Variants in SIK3 observed in about 807,000 individuals in gnomAD.
SIK3 encodes serine/threonine-protein kinase SIK3.
In SIK3, 28 loss-of-function variants were observed where a neutral mutation model predicts 144.2. That is an observed-to-expected ratio of 0.19 (90% CI 0.14 to 0.27). The LOEUF (loss-of-function observed/expected upper bound fraction) is 0.27, where lower values mean the gene tolerates loss of function less well. SIK3 is among the 10% of genes least tolerant of loss of function. SIK3 has a pLI of 1.00. For missense variants in SIK3, 1,319 were observed against 1,776.0 expected, an observed-to-expected ratio of 0.74 and a Z score of 4.62; for synonymous variants, 686 against 676.3, an observed-to-expected ratio of 1.01 and a Z score of -0.22.
intron 1 of SIK3, among the ~76,000 whole-genome samples, chr11:117,018,773 T>C (rs1951642701): frequency 6.6e-6 from 1 of 152,008 alleles, no homozygotes; most frequent in South Asian, 2.1e-4. Context: ...AGTACAGTAG[T>C]GCATCTCAAC....
chr11:116,869,025 A>G (rs1427942326), intron 14 of SIK3: 4 of 152,180 alleles, frequency 2.6e-5, no homozygotes, highest in Non-Finnish European at 5.9e-5. Flanking sequence ...GACCTGGAGG[A>G]AGGAAAGTCT....
At chr11:116,943,334 C>T (rs1402164742) in intron 3 of SIK3, among the ~76,000 whole-genome samples, 2 of 152,090 alleles carry the variant, frequency 1.3e-5, no homozygotes, top group Non-Finnish European at 2.9e-5. Context: ...ACAAAGAGGG[C>T]AAAGAAGGGC....
intron 1 of SIK3, among the ~76,000 whole-genome samples, chr11:117,032,619 AGCTCAGCCTCCC>A (rs1189959427): frequency 1.3e-5 from 2 of 151,006 alleles, no homozygotes; most frequent in African/African-American, 2.4e-5. Context: ...CAATCCTCCT[AGCTCAGCCTCCC>A]GAGTAGCTGG....
intron 1 of SIK3, among the ~76,000 whole-genome samples, chr11:117,078,414 C>CTT (rs752116300): frequency 0.046 from 5,987 of 131,416 alleles, 463 homozygotes; most frequent in African/African-American, 0.13. Context: ...TGCATAACAC[C>CTT]TTTTTTTTTT....
intron 18 of SIK3, 77 bp downstream of exon 18, chr11:116,861,764 A>C: frequency 1.1e-6 from 1 of 919,980 alleles, no homozygotes; most frequent in Non-Finnish European, 1.7e-6. Flanking sequence ...AAGTCAGTCC[A>C]TATCTCCCAG....
At chr11:116,925,232 G>C (rs12292371) in intron 4 of SIK3, among the ~76,000 whole-genome samples, 10,982 of 151,662 alleles carry the variant, frequency 0.072, 486 homozygotes, top group Middle Eastern at 0.11. Flanking sequence ...CTGGGCAACA[G>C]AATGAGGCCC....
chr11:117,029,234 G>A (rs923073073), intron 1 of SIK3, among the ~76,000 whole-genome samples: 3 of 152,088 alleles, frequency 2.0e-5, no homozygotes, highest in Non-Finnish European at 4.4e-5. Context: ...GAAGGCAGAT[G>A]CAGGTGGATC....
intron 1 of SIK3, among the ~76,000 whole-genome samples, chr11:117,094,558 T>G (rs1955386347): frequency 6.6e-6 from 1 of 152,074 alleles, no homozygotes; most frequent in Non-Finnish European, 1.5e-5. Context: ...CAGTGAACTC[T>G]GGCAGTGTCA....
Position 116,849,207 on chromosome 11 carries a change from C to T in SIK3, c.3732G>A (p.Gly1244=), listed in dbSNP as rs770038759. The T allele has an allele frequency of 1.2e-5, 19 of 1,614,014 alleles. No individual in the cohort carries two copies. In the African/African-American group the frequency reaches 2.0e-4, roughly 17 times the overall value. ...AVELPDHNGL[G]YPARPSVHEH... is the part of the protein sequence containing the mutation. ...CATGGACGGAGGGGCGTGCTGGGTA[C>T]CCGAGCCCATTGTGATCCGGCAGCT... The change falls in exon 22 of 25, where the codon GGG becomes GGA. Residue 1244 remains glycine, a synonymous_variant. Coordinates refer to ENST00000445177, the MANE Select transcript of SIK3 (RefSeq NM_001366686.3). The surrounding 1 kb of genome is among the most constrained non-coding windows in gnomAD (Gnocchi z 4.2).
intron 1 of SIK3, among the ~76,000 whole-genome samples, chr11:116,973,437 A>G (rs1949834324): frequency 6.6e-6 from 1 of 152,244 alleles, no homozygotes; most frequent in Admixed American, 6.5e-5. Flanking sequence ...CCTTACTTGT[A>G]GAGATTCCAG....
In SIK3 at chr11:117,069,184, TGGG is replaced by T. The variant is rs34598824; in HGVS notation, c.273+28956_273+28958del. ...TCTGGTAGTTGTTAAGATTTTTTTTTGGGGGGGGGGGGGTTTGTTGTTGTTATT... is the reference window on the plus strand; with the variant it reads ...TCTGGTAGTTGTTAAGATTTTTTTTTGGGGGGGGGGTTTGTTGTTGTTATT... On this transcript the variant is annotated intron_variant, in intron 1 of 24. Coordinates refer to ENST00000445177, the MANE Select transcript of SIK3 (RefSeq NM_001366686.3). Among the ~76,000 whole-genome samples, 104 of 83,032 alleles carry T rather than the reference TGGG, an allele frequency of 1.3e-3. 2 individuals carry two copies. In the East Asian group the frequency reaches 0.013, roughly 10 times the overall value. 54.5% of individuals were successfully genotyped at this position (83,032 alleles called of 152,430 possible). A position where few individuals can be genotyped will look rare whatever the true frequency, so the allele number is the denominator to read the frequency against.
intron 1 of SIK3, among the ~76,000 whole-genome samples, chr11:117,037,864 C>A (rs957856676): frequency 6.6e-6 from 1 of 152,180 alleles, no homozygotes; most frequent in Admixed American, 6.5e-5. Context: ...GGTTTCCTTG[C>A]CAAGAAACAA....
At position 117,045,468 on chromosome 11, in the gene SIK3, C is replaced by T. The variant is rs548008723; in HGVS notation, c.273+52675G>A. On this transcript the variant is annotated intron_variant, in intron 1 of 24. Coordinates refer to ENST00000445177, the MANE Select transcript of SIK3 (RefSeq NM_001366686.3). Reference sequence around the variant, plus strand: ...GAACGGTAATTGCTCCGTTGGTTTCCACCTCTGACCTATAAAGACCAAAGC... The same window carrying T: ...GAACGGTAATTGCTCCGTTGGTTTCTACCTCTGACCTATAAAGACCAAAGC... Among the ~76,000 whole-genome samples the T allele has an allele frequency of 1.0e-3, 159 of 152,274 alleles. 1 individual carries two copies. Among genetic ancestry groups the T allele is most frequent in the Non-Finnish European group, 1.5e-3 (105 of 68,030 alleles).
chr11:116,933,064 A>T (rs1487952948), intron 3 of SIK3, among the ~76,000 whole-genome samples: 1 of 151,500 alleles, frequency 6.6e-6, no homozygotes, highest in African/African-American at 2.4e-5. Flanking sequence ...AACCACCATG[A>T]CTGGCCTGAT....
chr11:117,075,708 AT>A (rs915758544), intron 1 of SIK3, among the ~76,000 whole-genome samples: 19 of 147,018 alleles, frequency 1.3e-4, no homozygotes, highest in Non-Finnish European at 1.2e-4. Flanking sequence ...CACCTGGCTA[AT>A]TTTTTTTTTA....
intron 19 of SIK3, among the ~76,000 whole-genome samples, chr11:116,860,112 G>A (rs1292643855): frequency 1.3e-5 from 2 of 152,144 alleles, no homozygotes; most frequent in South Asian, 2.1e-4. Flanking sequence ...GGGTGTGGTG[G>A]CGGGCGCCTG....
At chr11:116,901,166 C>T (rs1945720440) in intron 4 of SIK3, among the ~76,000 whole-genome samples, 1 of 152,184 alleles carries the variant, frequency 6.6e-6, no homozygotes, top group Non-Finnish European at 1.5e-5. Flanking sequence ...CGCCCAGCCT[C>T]TGCCTTATAT....
intron 2 of SIK3, among the ~76,000 whole-genome samples, chr11:116,956,060 C>T (rs745708718): frequency 6.6e-5 from 10 of 152,288 alleles, no homozygotes; most frequent in Non-Finnish European, 1.5e-4. Context: ...TGGGTGGCCA[C>T]GTCCTTCAGA....
chr11:117,049,718 A>T (rs899954202), intron 1 of SIK3, among the ~76,000 whole-genome samples: 2 of 152,022 alleles, frequency 1.3e-5, no homozygotes, highest in Non-Finnish European at 2.9e-5. Flanking sequence ...CATTTTTGGA[A>T]GCTGAAGTGG....
Sources: allele counts gnomAD v4.1 joint callset (sites outside exome capture counted in the v4.1 genomes callset), GRCh38; gene constraint gnomAD v4.1.1; non-coding constraint Gnocchi (gnomAD v3.1); transcripts MANE v1.5; gene names NCBI Gene and HGNC (gene_info 2026-07-23, HGNC 2026-07-21).